KIAA0319L: variants seen among roughly 807,000 people sequenced by gnomAD.
KIAA0319L encodes KIAA0319 like, also known as dyslexia-associated protein KIAA0319-like protein.
In KIAA0319L, 55 loss-of-function variants were observed where a neutral mutation model predicts 120.1. The ratio of observed to expected loss-of-function variants is 0.46; its 90% CI spans 0.37 to 0.57. The LOEUF (loss-of-function observed/expected upper bound fraction) is 0.57. KIAA0319L is among the 20% of genes least tolerant of loss of function. KIAA0319L has a pLI of 0.00. For synonymous variants in KIAA0319L, 398 were observed against 471.9 expected, an observed-to-expected ratio of 0.84 and a Z score of 2.03; for missense variants, 1,049 against 1,255.3, an observed-to-expected ratio of 0.84 and a Z score of 2.48.
Position 35,453,120 on chromosome 1 carries a change from AC to A in KIAA0319L, c.1913+436del, listed in dbSNP as rs1642182860. Among the ~76,000 whole-genome samples, 1 of 152,220 alleles carries A rather than the reference AC, an allele frequency of 6.6e-6. No individual in the cohort carries two copies. The highest frequency in any genetic ancestry group is 2.4e-5 in the African/African-American group (1 of 41,468). On this transcript the variant is annotated intron_variant, in intron 12 of 20. Coordinates refer to ENST00000325722, the MANE Select transcript of KIAA0319L (RefSeq NM_024874.5). The surrounding 1 kb of genome is among the most constrained non-coding windows in gnomAD (Gnocchi z 4.1). ...ATTGGTAAATGGTGTCTTCAAGAAA[AC>A]AATAACAGAGTAATGCTTTCATTTT...
At chr1:35,516,488 T>C (rs115011437) in intron 2 of KIAA0319L, among the ~76,000 whole-genome samples, 378 of 152,268 alleles carry the variant, frequency 2.5e-3, no homozygotes, top group African/African-American at 8.7e-3. Context: ...AGGCTTTCTA[T>C]AAAATTCAAC....
intron 15 of KIAA0319L, among the ~76,000 whole-genome samples, chr1:35,449,532 T>TC (rs1351653915): frequency 6.6e-6 from 1 of 152,160 alleles, no homozygotes; most frequent in Non-Finnish European, 1.5e-5. Flanking sequence ...CTGAGCCCTC[T>TC]CTCATCAGTC....
intron 2 of KIAA0319L, among the ~76,000 whole-genome samples, chr1:35,544,089 C>T (rs188523224): frequency 1.4e-4 from 22 of 152,156 alleles, no homozygotes; most frequent in Admixed American, 1.1e-3. Context: ...AAGACTGGGC[C>T]GGGCATGGTG....
At chr1:35,468,523 A>G (rs1019968032) in intron 6 of KIAA0319L, among the ~76,000 whole-genome samples, 1 of 152,196 alleles carries the variant, frequency 6.6e-6, no homozygotes, top group Non-Finnish European at 1.5e-5. Context: ...AATGTCTCAC[A>G]GGTACCTCAA....
chr1:35,448,098 C>G, intron 16 of KIAA0319L, 75 bp downstream of exon 16: 1 of 1,387,284 alleles, frequency 7.2e-7, no homozygotes, highest in East Asian at 2.4e-5. Context: ...TCTAACCACA[C>G]TATTTCTCAG....
At chr1:35,531,592 G>A (rs1259625311) in intron 2 of KIAA0319L, among the ~76,000 whole-genome samples, 1 of 152,174 alleles carries the variant, frequency 6.6e-6, no homozygotes, top group South Asian at 2.1e-4. Context: ...CAGTATCAGG[G>A]CCCACAAGGG....
intron 5 of KIAA0319L, among the ~76,000 whole-genome samples, chr1:35,471,897 CTTCT>C (rs1558388305): frequency 6.6e-6 from 1 of 152,170 alleles, no homozygotes; most frequent in African/African-American, 2.4e-5. Context: ...GAGACAAGGT[CTTCT>C]TCCTTCCTTC....
rs758280798 is a variant in KIAA0319L at position 35,453,685 on chromosome 1, G to A, written c.1785C>T (p.Asn595=). Residue 595 remains asparagine, a synonymous_variant, in exon 12 of 21, where the codon AAC becomes AAT. Coordinates refer to ENST00000325722, the MANE Select transcript of KIAA0319L (RefSeq NM_024874.5). The surrounding 1 kb of genome is among the most constrained non-coding windows in gnomAD (Gnocchi z 4.1). ...CTGCATCTGCCTGAGGAGGCTTATT[G>A]TTTTCTGGAAGACAAAGAGTTAGAG... ...AQVTVIVQPE[N]NKPPQADAGP... 3.8e-5 allele frequency: 61 copies of A among 1,612,736 alleles called. No individual in the cohort carries two copies. Among genetic ancestry groups the A allele is most frequent in the Non-Finnish European group, 5.2e-5 (61 of 1,179,348 alleles).
intron 3 of KIAA0319L, among the ~76,000 whole-genome samples, chr1:35,479,549 C>A (rs545027296): frequency 1.1e-3 from 173 of 152,202 alleles, no homozygotes; most frequent in Non-Finnish European, 1.9e-3. Flanking sequence ...CAAAATAGCC[C>A]TTGTGGATCC....
intron 2 of KIAA0319L, chr1:35,509,939 A>G: frequency 6.6e-6 from 1 of 152,508 alleles, no homozygotes; most frequent in Middle Eastern, 2.5e-3. Flanking sequence ...GTACCTCTGC[A>G]GTCCAGGAGT....
intron 2 of KIAA0319L, among the ~76,000 whole-genome samples, chr1:35,508,192 C>A (rs896151869): frequency 6.6e-6 from 1 of 152,234 alleles, no homozygotes; most frequent in Non-Finnish European, 1.5e-5. Flanking sequence ...GGTTGGCTCA[C>A]AGGACCTTCA....
At chr1:35,526,253 T>C (rs1410573676) in intron 2 of KIAA0319L, among the ~76,000 whole-genome samples, 1 of 148,366 alleles carries the variant, frequency 6.7e-6, no homozygotes, top group Non-Finnish European at 1.5e-5. Flanking sequence ...ACTAGAATTT[T>C]ATATACATAT....
chr1:35,547,496 T>C (rs551575148), intron 2 of KIAA0319L, among the ~76,000 whole-genome samples: 50 of 152,092 alleles, frequency 3.3e-4, no homozygotes, highest in Non-Finnish European at 1.9e-4. Context: ...CCAATGTCCA[T>C]CAACTGATGA....
chr1:35,520,418 G>A (rs1645865675), intron 2 of KIAA0319L, among the ~76,000 whole-genome samples: 1 of 151,866 alleles, frequency 6.6e-6, no homozygotes, highest in South Asian at 2.1e-4. Flanking sequence ...CTTTAAGACA[G>A]GGTCTCATCC....
chr1:35,486,292 G>C (rs1644381313), intron 3 of KIAA0319L, among the ~76,000 whole-genome samples: 2 of 151,092 alleles, frequency 1.3e-5, no homozygotes, highest in African/African-American at 4.9e-5. Flanking sequence ...GCTGAGGTGG[G>C]AGGATGGCTC....
At chr1:35,530,774 T>A (rs1206602310) in intron 2 of KIAA0319L, among the ~76,000 whole-genome samples, 2 of 152,132 alleles carry the variant, frequency 1.3e-5, no homozygotes, top group East Asian at 1.9e-4. Flanking sequence ...GTTGGTTGGG[T>A]AGGGCACTTT....
chr1:35,538,102 T>C (rs1202852631), intron 2 of KIAA0319L, among the ~76,000 whole-genome samples: 2 of 152,166 alleles, frequency 1.3e-5, no homozygotes, highest in African/African-American at 4.8e-5. Flanking sequence ...CATCTCGGAA[T>C]TGATCATGCT....
intron 10 of KIAA0319L, 39 bp downstream of exon 10, chr1:35,455,974 T>C: frequency 6.7e-7 from 1 of 1,496,120 alleles, no homozygotes; most frequent in Non-Finnish European, 9.2e-7. Flanking sequence ...CAGCTCTACT[T>C]CTCTTGGGCA....
At chr1:35,463,794 T>C (rs919503181) in intron 7 of KIAA0319L, among the ~76,000 whole-genome samples, 1 of 152,190 alleles carries the variant, frequency 6.6e-6, no homozygotes, top group Admixed American at 6.5e-5. Flanking sequence ...ACTCCCACAA[T>C]TCCCACCTCA....
Sources: allele counts gnomAD v4.1 joint callset (sites outside exome capture counted in the v4.1 genomes callset), GRCh38; gene constraint gnomAD v4.1.1; non-coding constraint Gnocchi (gnomAD v3.1); transcripts MANE v1.5; gene names NCBI Gene and HGNC (gene_info 2026-07-23, HGNC 2026-07-21).